Variants in FAM184B observed in about 807,000 individuals in gnomAD.
FAM184B encodes family with sequence similarity 184 member B.
A neutral mutation model predicts 135.9 loss-of-function variants in FAM184B; 111 were observed. The ratio of observed to expected loss-of-function variants is 0.82; its 90% CI spans 0.70 to 0.96. The LOEUF is 0.96. FAM184B is among the 40% of genes least tolerant of loss of function. FAM184B has a pLI of 0.00. For synonymous variants in FAM184B, 552 were observed against 524.8 expected (o/e 1.05, Z -0.71); for missense variants, 1,375 against 1,323.9 (o/e 1.04, Z -0.60).
At chr4:17,666,469 C>CTTTTTTTTTT (rs386399397) in intron 7 of FAM184B, among the ~76,000 whole-genome samples, 1 of 57,154 alleles carries the variant, frequency 1.7e-5, no homozygotes, top group African/African-American at 7.2e-5. Flanking sequence ...GTGCCTGGTT[C>CTTTTTTTTTT]TTTTTTTTTT....
At chr4:17,693,458 G>A in intron 5 of FAM184B, 46 bp from the exon 6 acceptor site, 1 of 1,439,804 alleles carries the variant, frequency 6.9e-7, no homozygotes, top group Non-Finnish European at 9.6e-7. Flanking sequence ...ACGAAAACAG[G>A]ACACTTAATG....
At chr4:17,663,195 C>T (rs1715959525) in intron 8 of FAM184B, among the ~76,000 whole-genome samples, 1 of 152,212 alleles carries the variant, frequency 6.6e-6, no homozygotes, top group Admixed American at 6.5e-5. Context: ...CCTTGGCCTT[C>T]TAAAGTGCTA....
intron 1 of FAM184B, among the ~76,000 whole-genome samples, chr4:17,771,725 C>G (rs79594617): frequency 0.014 from 2,131 of 152,326 alleles, 43 homozygotes; most frequent in African/African-American, 0.049. Context: ...TCCTGCCCTA[C>G]AGCACTGCCC....
At position 17,781,109 on chromosome 4, in the gene FAM184B, C is replaced by T. The variant is rs945879861; in HGVS notation, c.141+50G>A. 6.8e-7 allele frequency: 1 copy of T among 1,469,026 alleles called. No homozygotes were observed. Among genetic ancestry groups the T allele is most frequent in the Non-Finnish European group, 9.0e-7 (1 of 1,108,588 alleles). The allele number at this position is 1,469,026 out of a possible 1,614,324, so 91.0% of individuals were successfully genotyped here. On this transcript the variant is annotated intron_variant, in intron 1 of 17. Transcript: ENST00000265018. This position sits in a 1 kb window ranked among gnomAD's most constrained non-coding sequence, Gnocchi z 6.5. Reference sequence around the variant, plus strand: ...GAGGCGCATCCGCACTGACTCCCGGCTCGGGCGCCCCGGGCGTGCAGCTCG... The same window carrying T: ...GAGGCGCATCCGCACTGACTCCCGGTTCGGGCGCCCCGGGCGTGCAGCTCG...
intron 1 of FAM184B, among the ~76,000 whole-genome samples, chr4:17,725,443 A>C (rs1717618409): frequency 6.6e-6 from 1 of 152,172 alleles, no homozygotes; most frequent in Non-Finnish European, 1.5e-5. Flanking sequence ...GTCAAAAAGT[A>C]ATAGAAACTA....
chr4:17,754,803 C>T (rs1197515704), intron 1 of FAM184B, among the ~76,000 whole-genome samples: 2 of 151,830 alleles, frequency 1.3e-5, no homozygotes, highest in Admixed American at 6.6e-5. Context: ...GTAATCAGGG[C>T]CTTAGAAACA....
At chr4:17,758,394 T>G (rs775489138) in intron 1 of FAM184B, among the ~76,000 whole-genome samples, 5 of 152,242 alleles carry the variant, frequency 3.3e-5, no homozygotes, top group Admixed American at 6.5e-5. Flanking sequence ...TTGCTTTCAG[T>G]ATGGACTCAT....
intron 1 of FAM184B, among the ~76,000 whole-genome samples, chr4:17,720,126 A>G (rs1717485481): frequency 6.6e-6 from 1 of 152,154 alleles, no homozygotes; most frequent in Non-Finnish European, 1.5e-5. Flanking sequence ...GTCTCACTCA[A>G]TTCCATTATT....
At chr4:17,780,106 C>T (rs769032334) in intron 1 of FAM184B, among the ~76,000 whole-genome samples, 1 of 152,076 alleles carries the variant, frequency 6.6e-6, no homozygotes, top group Non-Finnish European at 1.5e-5. Flanking sequence ...TGGGAGAAGG[C>T]GGCTAGTGTT....
In FAM184B at chr4:17,781,286, A is replaced by G. The variant is rs773474484; in HGVS notation, c.14T>C (p.Leu5Pro). 6.5e-7 allele frequency: 1 copy of G among 1,541,802 alleles called. No individual in the cohort carries two copies. The highest frequency in any genetic ancestry group is 1.2e-5 in the South Asian group (1 of 83,116). The change falls in exon 1 of 18, where the codon CTC becomes CCC. Residue 5 changes from leucine (L) to proline (P), a missense_variant. By Grantham distance (98) the Leu-to-Pro change is moderately conservative. Transcript: ENST00000265018. The surrounding 1 kb of genome is among the most constrained non-coding windows in gnomAD (Gnocchi z 6.5). Reference protein sequence around the residue: MASALNSKINPPGTC... With the variant: MASAPNSKINPPGTC... ...GCCGGGCGGGTTAATTTTGCTGTTG[A>G]GAGCAGAAGCCATCGCTAAAACGCG...
At chr4:17,642,302 C>A in intron 12 of FAM184B, 74 bp from the exon 13 acceptor site, 1 of 1,390,622 alleles carries the variant, frequency 7.2e-7, no homozygotes, top group South Asian at 1.6e-5. Flanking sequence ...CAGAGATGTG[C>A]TGCGGCGAGA....
intron 7 of FAM184B, among the ~76,000 whole-genome samples, chr4:17,682,012 G>C (rs141241647): frequency 0.016 from 2,469 of 152,300 alleles, 77 homozygotes; most frequent in African/African-American, 0.056. Flanking sequence ...CAAGGATCAA[G>C]ATTGGGCCTC....
chr4:17,634,726 TAAG>T (rs1228510628), intron 16 of FAM184B, among the ~76,000 whole-genome samples: 12 of 152,202 alleles, frequency 7.9e-5, no homozygotes, highest in South Asian at 2.1e-4. Flanking sequence ...CAGAAATAGT[TAAG>T]AAGTGGAAGA....
intron 7 of FAM184B, among the ~76,000 whole-genome samples, chr4:17,679,554 T>C (rs906328145): frequency 6.6e-6 from 1 of 152,144 alleles, no homozygotes; most frequent in African/African-American, 2.4e-5. Flanking sequence ...AAGAGAACAT[T>C]TTTACAGTGC....
At chr4:17,639,612 A>T (rs1375956549) in intron 13 of FAM184B, among the ~76,000 whole-genome samples, 1 of 152,212 alleles carries the variant, frequency 6.6e-6, no homozygotes, top group African/African-American at 2.4e-5. Flanking sequence ...GCACCCTCCC[A>T]TCTCAGAAGG....
intron 11 of FAM184B, among the ~76,000 whole-genome samples, 185 bp from the exon 12 acceptor site, chr4:17,647,976 T>C (rs1715514092): frequency 6.6e-6 from 1 of 152,168 alleles, no homozygotes; most frequent in Non-Finnish European, 1.5e-5. Context: ...AAAACTGTTC[T>C]CATTTAAGTC....
intron 5 of FAM184B, among the ~76,000 whole-genome samples, chr4:17,700,924 A>G (rs1477519287): frequency 6.6e-6 from 1 of 152,242 alleles, no homozygotes; most frequent in African/African-American, 2.4e-5. Flanking sequence ...ATATGAAAAA[A>G]AAATCTGAGA....
intron 1 of FAM184B, among the ~76,000 whole-genome samples, chr4:17,736,014 AAC>A (rs1717900706): frequency 2.0e-5 from 3 of 152,222 alleles, no homozygotes; most frequent in Admixed American, 2.0e-4. Context: ...TGATCTTGAT[AAC>A]AGTGTTAATG....
chr4:17,633,576 T>A lies in FAM184B; in HGVS notation c.3089+113A>T. 3 of 961,564 alleles carry A rather than the reference T, an allele frequency of 3.1e-6. No homozygotes were observed. The South Asian group carries it at 6.5e-5, about 21-fold the overall frequency. The allele number at this position is 961,564 out of a possible 1,614,324, so 59.6% of individuals were successfully genotyped here. A position where few individuals can be genotyped will look rare whatever the true frequency, so the allele number is the denominator to read the frequency against. ...TGATTCAGTGTCCCTTGTCTAATCATCCATGAAAAAAGGCCTTCTGGAATT... is the reference window on the plus strand; with the variant it reads ...TGATTCAGTGTCCCTTGTCTAATCAACCATGAAAAAAGGCCTTCTGGAATT... On this transcript the variant is annotated intron_variant, in intron 17 of 17. Coordinates refer to ENST00000265018, the MANE Select transcript of FAM184B (RefSeq NM_015688.2).
Sources: allele counts gnomAD v4.1 joint callset (sites outside exome capture counted in the v4.1 genomes callset), GRCh38; gene constraint gnomAD v4.1.1; non-coding constraint Gnocchi (gnomAD v3.1); transcripts MANE v1.5; gene names NCBI Gene and HGNC (gene_info 2026-07-23, HGNC 2026-07-21).